The following MARS1 variants were observed in gnomAD, a reference collection of about 807,000 sequenced individuals.
MARS1 encodes the protein methionyl-tRNA synthetase 1.
In MARS1, 80 loss-of-function variants were observed where a neutral mutation model predicts 119.5. That is an observed-to-expected ratio of 0.67 (90% CI 0.56 to 0.81). MARS1 has a LOEUF of 0.81. MARS1 is among the 30% of genes least tolerant of loss of function. The probability of loss-of-function intolerance (pLI) is 0.00; values close to 1 mark genes in which losing one functional copy is unlikely to be tolerated. For missense variants in MARS1, 945 were observed against 1,116.5 expected (o/e 0.85, Z 2.19); for synonymous variants, 418 against 433.4 (o/e 0.96, Z 0.44).
At chr12:57,497,097 T>C (rs1007115403) in intron 7 of MARS1, among the ~76,000 whole-genome samples, 3 of 152,184 alleles carry the variant, frequency 2.0e-5, no homozygotes, top group Non-Finnish European at 4.4e-5. Flanking sequence ...AAAGGAGCAC[T>C]ACTCAATATG....
At chr12:57,493,760 T>TATA (rs1876333055) in intron 7 of MARS1, among the ~76,000 whole-genome samples, 1 of 3,070 alleles carries the variant, frequency 3.3e-4, no homozygotes, top group Non-Finnish European at 4.6e-4. Flanking sequence ...CATTATATTA[T>TATA]ATATATTATA....
chr12:57,497,933 T>C (rs1425827157), intron 7 of MARS1, among the ~76,000 whole-genome samples: 1 of 152,160 alleles, frequency 6.6e-6, no homozygotes, highest in Admixed American at 6.5e-5. Context: ...TTCATAGCAG[T>C]ACAGGAGACT....
At chr12:57,493,815 TTA>T (rs1377529414) in intron 7 of MARS1, among the ~76,000 whole-genome samples, 196 of 1,020 alleles carry the variant, frequency 0.19, 50 homozygotes, top group Non-Finnish European at 0.46. Context: ...ATAATGTATA[TTA>T]TATATATTAT....
chr12:57,494,494 ATT>A (rs59160934), intron 7 of MARS1, among the ~76,000 whole-genome samples: 9 of 95,486 alleles, frequency 9.4e-5, no homozygotes, highest in South Asian at 7.6e-4. Flanking sequence ...CGCCTGGCTA[ATT>A]TTTTTTTTTT....
Position 57,490,057 on chromosome 12 carries a change from A to G in MARS1, c.490+86A>G, listed in dbSNP as rs1875813324. The G allele has an allele frequency of 2.7e-6, 4 of 1,469,574 alleles. No homozygotes were observed. The South Asian group carries it at 4.5e-5, about 17-fold the overall frequency. 91.0% of individuals were successfully genotyped at this position (1,469,574 alleles called of 1,614,324 possible). A position where few individuals can be genotyped will look rare whatever the true frequency, so the allele number is the denominator to read the frequency against. On this transcript the variant is annotated intron_variant, in intron 5 of 20. Coordinates refer to ENST00000262027, the MANE Select transcript of MARS1 (RefSeq NM_004990.4). ...AGTAGAATACTGAGAACTCCCTTCAAGGTACAGCTTGACTGGGCAACTATA... is the reference window on the plus strand; with the variant it reads ...AGTAGAATACTGAGAACTCCCTTCAGGGTACAGCTTGACTGGGCAACTATA...
intron 11 of MARS1, among the ~76,000 whole-genome samples, chr12:57,508,027 G>A (rs1055826913): frequency 1.3e-5 from 2 of 152,070 alleles, no homozygotes; most frequent in South Asian, 2.1e-4. Flanking sequence ...CAGAAAGGGC[G>A]GCGGGGCAGA....
At chr12:57,516,023 A>C (rs762700945) in intron 19 of MARS1, 32 bp downstream of exon 19, 1 of 1,599,056 alleles carries the variant, frequency 6.3e-7, no homozygotes, top group Admixed American at 1.7e-5. Context: ...CCCTCGCTCC[A>C]CAACAGCCAC....
intron 15 of MARS1, among the ~76,000 whole-genome samples, chr12:57,514,059 CAA>C (rs1194856541): frequency 1.8e-5 from 1 of 56,882 alleles, no homozygotes. Context: ...TGAGAATCCT[CAA>C]AAAAAAAAAA....
chr12:57,509,375 C>CT (rs1452474058), intron 11 of MARS1, among the ~76,000 whole-genome samples: 1 of 152,080 alleles, frequency 6.6e-6, no homozygotes, highest in East Asian at 1.9e-4. Context: ...CTACTAGGAC[C>CT]TTTTATCAAA....
intron 11 of MARS1, among the ~76,000 whole-genome samples, chr12:57,505,167 T>TG (rs1240830888): frequency 6.6e-6 from 1 of 151,406 alleles, no homozygotes; most frequent in African/African-American, 2.4e-5. Context: ...CTGATTTGTT[T>TG]TTTTTTTTTT....
rs1318823221 is a variant in MARS1 at position 57,493,540 on chromosome 12, ATAT to A, written c.770+2900_770+2902del. On this transcript the variant is annotated intron_variant, in intron 7 of 20. Transcript: ENST00000262027. The stretch of plus-strand genomic sequence containing the variant: ...TATATAATATATTATAATATATAAT[ATAT>A]TATAATATATAATATATAATATATT... Among the ~76,000 whole-genome samples the A allele has an allele frequency of 4.6e-4, 3 of 6,562 alleles. 1 individual carries two copies. Among genetic ancestry groups the A allele is most frequent in the South Asian group, 0.013 (2 of 158 alleles). The allele number at this position is 6,562 out of a possible 152,430, so 4.3% of individuals were successfully genotyped here.
At chr12:57,489,701 CA>C in intron 4 of MARS1, 143 bp downstream of exon 4, 2 of 1,251,024 alleles carry the variant, frequency 1.6e-6, no homozygotes, top group Non-Finnish European at 1.1e-6. Context: ...CTCTAATCCT[CA>C]ATTTTTTTCA....
At position 57,493,701 on chromosome 12, in the gene MARS1, TATA is replaced by T. The variant is rs1467855529; in HGVS notation, c.770+3061_770+3063del. On this transcript the variant is annotated intron_variant, in intron 7 of 20. Coordinates refer to ENST00000262027, the MANE Select transcript of MARS1 (RefSeq NM_004990.4). Reference sequence around the variant, plus strand: ...ATTATATATAATATATATTATATATTATAATATATTATATATTATATATTATAT... The same window carrying T: ...ATTATATATAATATATATTATATATTATATATTATATATTATATATTATAT... Among the ~76,000 whole-genome samples, 16 of 8,614 alleles carry T rather than the reference TATA, an allele frequency of 1.9e-3. 6 individuals are homozygous for T. In the South Asian group the frequency reaches 0.025, roughly 14 times the overall value. The allele number at this position is 8,614 out of a possible 152,430, so 5.7% of individuals were successfully genotyped here.
intron 14 of MARS1, 93 bp from the exon 15 acceptor site, chr12:57,512,658 G>C (rs1158938385): frequency 9.6e-7 from 1 of 1,046,432 alleles, no homozygotes; most frequent in Non-Finnish European, 1.5e-6. Flanking sequence ...CCATAGTTGA[G>C]GTTAGAAAGA....
In MARS1 at chr12:57,512,280, T is replaced by C. The variant is rs190935731; in HGVS notation, c.1680T>C (p.His560=). Residue 560 remains histidine, a synonymous_variant, in exon 14 of 21, where the codon CAT becomes CAC. Transcript: ENST00000262027. Reference sequence around the variant, plus strand: ...TGGCCAAAGACAATGTTCCTTTCCATAGCTTAGTCTTTCCTTGCTCAGCCC... The same window carrying C: ...TGGCCAAAGACAATGTTCCTTTCCACAGCTTAGTCTTTCCTTGCTCAGCCC... ...QFMAKDNVPF[H]SLVFPCSALG... 4.3e-6 allele frequency: 7 copies of C among 1,614,168 alleles called. No homozygotes were observed. In the African/African-American group the frequency reaches 5.3e-5, roughly 12 times the overall value.
At chr12:57,515,374 C>T (rs1038136308) in intron 18 of MARS1, 38 bp downstream of exon 18, 1 of 1,593,402 alleles carries the variant, frequency 6.3e-7, no homozygotes, top group Non-Finnish European at 8.5e-7. Flanking sequence ...AATTGATACT[C>T]TTGCCATGCA....
At chr12:57,503,870 C>A in intron 10 of MARS1, 1 of 194,306 alleles carries the variant, frequency 5.1e-6, no homozygotes, top group Non-Finnish European at 1.1e-5. Flanking sequence ...GCCATCTCTC[C>A]CTGACTTGTA....
intron 11 of MARS1, among the ~76,000 whole-genome samples, chr12:57,508,099 G>C (rs1877311201): frequency 6.6e-6 from 1 of 152,052 alleles, no homozygotes; most frequent in Non-Finnish European, 1.5e-5. Flanking sequence ...TTCCTAGATG[G>C]GATGGCAGCT....
Position 57,516,446 on chromosome 12 carries a change from C to T in MARS1, c.2568C>T (p.Val856=). Residue 856 remains valine, a synonymous_variant, in exon 21 of 21, where the codon GTC becomes GTT. Coordinates refer to ENST00000262027, the MANE Select transcript of MARS1 (RefSeq NM_004990.4). The part of the protein sequence containing the change: ...MDEVTKQGNI[V]RELKAQKADK... Reference sequence around the variant, plus strand: ...CCCCTTTATCTTAGGGAAACATTGTCCGAGAACTGAAAGCACAAAAGGCAG... The same window carrying T: ...CCCCTTTATCTTAGGGAAACATTGTTCGAGAACTGAAAGCACAAAAGGCAG... The T allele has an allele frequency of 6.2e-7, 1 of 1,613,180 alleles. No homozygotes were observed. Among genetic ancestry groups the T allele is most frequent in the Non-Finnish European group, 8.5e-7 (1 of 1,179,680 alleles).
Sources: allele counts gnomAD v4.1 joint callset (sites outside exome capture counted in the v4.1 genomes callset), GRCh38; gene constraint gnomAD v4.1.1; transcripts MANE v1.5; gene names NCBI Gene and HGNC (gene_info 2026-07-23, HGNC 2026-07-21).